The following RAB11FIP4 variants were observed in gnomAD, a reference collection of about 807,000 sequenced individuals.
RAB11FIP4 encodes RAB11 family interacting protein 4.
RAB11FIP4 carries 23 observed loss-of-function variants against 74.3 expected under a neutral mutation model. That is an observed-to-expected ratio of 0.31 (90% CI 0.22 to 0.44). The LOEUF is 0.44. RAB11FIP4 is among the 20% of genes least tolerant of loss of function. The pLI, the probability that RAB11FIP4 is intolerant of heterozygous loss-of-function variation, is 1.00. For missense variants in RAB11FIP4, 630 were observed against 863.9 expected (o/e 0.73, Z 3.39); for synonymous variants, 360 against 359.9 (o/e 1.00, Z 0.00).
rs140583359 is a variant in RAB11FIP4, at chr17:31,485,677, T to G, written c.337-31974T>G. Among the ~76,000 whole-genome samples, 851 of 152,224 alleles carry G rather than the reference T, an allele frequency of 5.6e-3. 5 individuals carry two copies. Among genetic ancestry groups the G allele is most frequent in the African/African-American group, 0.02 (812 of 41,530 alleles). ...CTCAGGGTGGAGATGGGAAGGCAGA[T>G]AGAGTGGGCCCAGGGTGCATGGGCT... On this transcript the variant is annotated intron_variant, in intron 3 of 14. Transcript: ENST00000621161.
chr17:31,457,886 A>G (rs1479195827), intron 3 of RAB11FIP4, among the ~76,000 whole-genome samples: 1 of 151,316 alleles, frequency 6.6e-6, no homozygotes, highest in Non-Finnish European at 1.5e-5. Flanking sequence ...TCTTCTCTCT[A>G]TCTGCACCCC....
At chr17:31,403,907 G>A (rs79741931) in intron 1 of RAB11FIP4, among the ~76,000 whole-genome samples, 5,681 of 152,252 alleles carry the variant, frequency 0.037, 244 homozygotes, top group African/African-American at 0.1. Flanking sequence ...GGGTGGTCTC[G>A]GTTGGGAAAT....
In RAB11FIP4 at chr17:31,516,959, A is replaced by G. The variant is rs570283252; in HGVS notation, c.337-692A>G. ...GATTGGTTGCAGGAGGGGACCAATC[A>G]GAGGCCAAAGTGAAGTTACAAAGTT... On this transcript the variant is annotated intron_variant, in intron 3 of 14. Coordinates refer to ENST00000621161, the MANE Select transcript of RAB11FIP4 (RefSeq NM_032932.6). 6.6e-5 allele frequency among the ~76,000 whole-genome samples: 10 copies of G among 152,236 alleles called. No individual in the cohort carries two copies. The South Asian group carries it at 1.9e-3, about 29-fold the overall frequency.
At chr17:31,398,551 C>T (rs1180652546) in intron 1 of RAB11FIP4, among the ~76,000 whole-genome samples, 2 of 152,208 alleles carry the variant, frequency 1.3e-5, no homozygotes, top group Non-Finnish European at 2.9e-5. Flanking sequence ...CAGCCCTTCC[C>T]ATCAGCAAGA....
At chr17:31,494,997 A>G (rs76393599) in intron 3 of RAB11FIP4, among the ~76,000 whole-genome samples, 9 of 152,282 alleles carry the variant, frequency 5.9e-5, no homozygotes, top group African/African-American at 2.2e-4. Context: ...CAAGGGGAGG[A>G]TGGCCCTCCA....
chr17:31,515,309 GCCCTGGGAA>G (rs1020885939), intron 3 of RAB11FIP4, among the ~76,000 whole-genome samples: 4 of 151,788 alleles, frequency 2.6e-5, no homozygotes, highest in Non-Finnish European at 4.4e-5. Context: ...GGTGGAAGGG[GCCCTGGGAA>G]CCCTGGGGGG....
chr17:31,487,981 C>T (rs1471670729), intron 3 of RAB11FIP4: 2 of 961,582 alleles, frequency 2.1e-6, no homozygotes, highest in African/African-American at 1.8e-5. Context: ...CGCCCCGCCC[C>T]GGCGCGAGGC....
chr17:31,454,215 A>G (rs1055722649), intron 3 of RAB11FIP4, among the ~76,000 whole-genome samples: 2 of 152,210 alleles, frequency 1.3e-5, no homozygotes, highest in African/African-American at 4.8e-5. Context: ...GATCATTGCT[A>G]CATTCCATTT....
At chr17:31,428,824 C>T (rs1448654049) in intron 1 of RAB11FIP4, among the ~76,000 whole-genome samples, 2 of 152,034 alleles carry the variant, frequency 1.3e-5, no homozygotes, top group African/African-American at 4.8e-5. Flanking sequence ...TGCCTGTAGT[C>T]CCAGCTACTT....
intron 3 of RAB11FIP4, among the ~76,000 whole-genome samples, chr17:31,446,233 C>A (rs552330419): frequency 1.3e-5 from 2 of 152,138 alleles, no homozygotes; most frequent in South Asian, 4.1e-4. Context: ...TTTTTCAAGT[C>A]TAAAACACAT....
At chr17:31,402,274 C>G (rs1205247320) in intron 1 of RAB11FIP4, among the ~76,000 whole-genome samples, 5 of 152,132 alleles carry the variant, frequency 3.3e-5, no homozygotes, top group African/African-American at 1.2e-4. Flanking sequence ...TGCAAAAGTC[C>G]TAAGCACAGA....
chr17:31,445,570 ATATATATATTTTTTTTT>A lies in RAB11FIP4; in HGVS notation c.336+11450_336+11466del, dbSNP rs2071452214. Among the ~76,000 whole-genome samples, 12 of 11,586 alleles carry A rather than the reference ATATATATATTTTTTTTT, an allele frequency of 1.0e-3. 1 individual carries two copies. The highest frequency in any genetic ancestry group is 4.2e-3 in the East Asian group (1 of 236). The allele number at this position is 11,586 out of a possible 152,430, so 7.6% of individuals were successfully genotyped here. A position where few individuals can be genotyped will look rare whatever the true frequency, so the allele number is the denominator to read the frequency against. On this transcript the variant is annotated intron_variant, in intron 3 of 14. Transcript: ENST00000621161. ...TATATATATATATATATATATATAT[ATATATATATTTTTTTTT>A]TTTTTTTTTTTTTTTTGACACGGAG...
chr17:31,394,259 C>T (rs1252079432), intron 1 of RAB11FIP4, among the ~76,000 whole-genome samples: 1 of 152,196 alleles, frequency 6.6e-6, no homozygotes, highest in African/African-American at 2.4e-5. Flanking sequence ...GCTTATATGT[C>T]AATTTTCTCC....
intron 3 of RAB11FIP4, among the ~76,000 whole-genome samples, chr17:31,444,351 C>T (rs563518909): frequency 1.2e-4 from 18 of 150,118 alleles, no homozygotes; most frequent in Non-Finnish European, 2.1e-4. Flanking sequence ...GTTTCAACAC[C>T]CCCCCCACCC....
At chr17:31,462,635 ATTATT>A (rs967668867) in intron 3 of RAB11FIP4, among the ~76,000 whole-genome samples, 8 of 151,852 alleles carry the variant, frequency 5.3e-5, no homozygotes, top group Admixed American at 2.0e-4. Flanking sequence ...CTTCTCTTTT[ATTATT>A]TTATTTTATT....
At chr17:31,399,041 G>T (rs2070959189) in intron 1 of RAB11FIP4, among the ~76,000 whole-genome samples, 1 of 152,184 alleles carries the variant, frequency 6.6e-6, no homozygotes, top group Non-Finnish European at 1.5e-5. Flanking sequence ...AGGAATAGGG[G>T]TGTTCACAGG....
intron 3 of RAB11FIP4, among the ~76,000 whole-genome samples, chr17:31,456,449 C>T (rs147987121): frequency 6.8e-4 from 103 of 152,342 alleles, no homozygotes; most frequent in East Asian, 4.4e-3. Flanking sequence ...TCAAGCGATC[C>T]GCCCCCCTCA....
intron 3 of RAB11FIP4, among the ~76,000 whole-genome samples, chr17:31,457,935 G>T (rs1167083183): frequency 6.6e-6 from 1 of 152,076 alleles, no homozygotes; most frequent in Admixed American, 6.6e-5. Flanking sequence ...TCAACACAGG[G>T]AACCTTCCAG....
intron 1 of RAB11FIP4, among the ~76,000 whole-genome samples, chr17:31,411,324 A>G (rs369381895): frequency 6.6e-6 from 1 of 152,206 alleles, no homozygotes; most frequent in African/African-American, 2.4e-5. Flanking sequence ...AGATCGCACC[A>G]CTTCACTCCA....
Sources: allele counts gnomAD v4.1 joint callset (sites outside exome capture counted in the v4.1 genomes callset), GRCh38; gene constraint gnomAD v4.1.1; transcripts MANE v1.5; gene names NCBI Gene and HGNC (gene_info 2026-07-23, HGNC 2026-07-21).